Variants in CRTAC1 observed in about 807,000 individuals in gnomAD.
CRTAC1 encodes the protein cartilage acidic protein 1.
A neutral mutation model predicts 67.8 loss-of-function variants in CRTAC1; 37 were observed. The ratio of observed to expected loss-of-function variants is 0.55; its 90% CI spans 0.42 to 0.72. The LOEUF is 0.72. Among genes scored for constraint, CRTAC1 ranks in the 30% least tolerant of loss-of-function variants. The probability of loss-of-function intolerance (pLI) is 0.00; values close to 1 mark genes in which losing one functional copy is unlikely to be tolerated. For missense variants in CRTAC1, 780 were observed against 931.6 expected (o/e 0.84, Z 2.12); for synonymous variants, 348 against 371.0 (o/e 0.94, Z 0.71).
intron 8 of CRTAC1, 91 bp from the exon 9 acceptor site, chr10:97,897,082 C>T (rs1270008258): frequency 7.5e-6 from 7 of 929,634 alleles, no homozygotes; most frequent in East Asian, 2.9e-5. Context: ...CCTGAGCATC[C>T]CCGGGTCCCA....
At chr10:97,950,240 C>CAGAGAGAGAGGG (rs1336847727) in intron 2 of CRTAC1, among the ~76,000 whole-genome samples, 76 of 104,220 alleles carry the variant, frequency 7.3e-4, no homozygotes, top group African/African-American at 2.6e-3. Context: ...CGTGCACACA[C>CAGAGAGAGAGGG]ACACACAGAG....
intron 2 of CRTAC1, among the ~76,000 whole-genome samples, chr10:97,952,325 C>T (rs1353276758): frequency 6.6e-6 from 1 of 150,434 alleles, no homozygotes; most frequent in East Asian, 1.9e-4. Context: ...GCACTCCAGC[C>T]TGGGCGACAG....
At chr10:97,889,461 G>A (rs561396834) in intron 11 of CRTAC1, among the ~76,000 whole-genome samples, 4 of 91,068 alleles carry the variant, frequency 4.4e-5, no homozygotes, top group Admixed American at 3.7e-4. Flanking sequence ...GGTGGGGGGG[G>A]GTCCACTGAG....
chr10:97,986,422 T>C (rs1288576721), intron 2 of CRTAC1, among the ~76,000 whole-genome samples: 1 of 152,168 alleles, frequency 6.6e-6, no homozygotes, highest in African/African-American at 2.4e-5. Flanking sequence ...ATGTCAATGT[T>C]ATCTAGAGCA....
chr10:97,873,288 G>A (rs1167559659), intron 14 of CRTAC1, among the ~76,000 whole-genome samples: 1 of 152,206 alleles, frequency 6.6e-6, no homozygotes, highest in Non-Finnish European at 1.5e-5. Flanking sequence ...TTTGTGCACA[G>A]CTCTAAGAAC....
At chr10:97,991,258 C>A (rs1187870855) in intron 2 of CRTAC1, among the ~76,000 whole-genome samples, 1 of 151,116 alleles carries the variant, frequency 6.6e-6, no homozygotes, top group Non-Finnish European at 1.5e-5. Flanking sequence ...AATTAAAAAA[C>A]AAAAATTAGC....
chr10:97,881,064 C>T (rs1226137412), intron 13 of CRTAC1, among the ~76,000 whole-genome samples: 2 of 152,212 alleles, frequency 1.3e-5, no homozygotes, highest in African/African-American at 4.8e-5. Flanking sequence ...CTGCAGCTGC[C>T]TCCTCACAGA....
chr10:97,899,796 C>G (rs1017295347), intron 8 of CRTAC1, among the ~76,000 whole-genome samples: 3 of 152,200 alleles, frequency 2.0e-5, no homozygotes, highest in Admixed American at 2.0e-4. Context: ...AGCCAGTGAT[C>G]TGGCCCATGT....
chr10:97,963,176 C>A (rs1184467727), intron 2 of CRTAC1, among the ~76,000 whole-genome samples: 1 of 152,068 alleles, frequency 6.6e-6, no homozygotes, highest in Non-Finnish European at 1.5e-5. Context: ...TCCAGTGCAC[C>A]CCTAAAACCT....
At chr10:97,940,328 A>G (rs2051153041) in intron 2 of CRTAC1, among the ~76,000 whole-genome samples, 1 of 152,224 alleles carries the variant, frequency 6.6e-6, no homozygotes, top group Admixed American at 6.5e-5. Flanking sequence ...ACATGGGCTT[A>G]CACACTTTCT....
chr10:98,016,960 G>T (rs913610633), intron 1 of CRTAC1, among the ~76,000 whole-genome samples: 3 of 152,292 alleles, frequency 2.0e-5, no homozygotes, highest in East Asian at 3.9e-4. Context: ...CACCCGGAGT[G>T]ACCTCGCATT....
intron 5 of CRTAC1, among the ~76,000 whole-genome samples, chr10:97,912,928 C>A (rs938791490): frequency 6.6e-6 from 1 of 152,194 alleles, no homozygotes; most frequent in Admixed American, 6.5e-5. Flanking sequence ...CCCATCTAGC[C>A]CTGCACCCTC....
At chr10:98,005,100 A>ATATATTTTTTTTTTTTTTTT in intron 2 of CRTAC1, among the ~76,000 whole-genome samples, 1 of 48,884 alleles carries the variant, frequency 2.0e-5, no homozygotes, top group Non-Finnish European at 3.5e-5. Context: ...ATATATATAT[A>ATATATTTTTTTTTTTTTTTT]TTTTTTTTTT....
At chr10:97,992,377 C>A (rs929001093) in intron 2 of CRTAC1, among the ~76,000 whole-genome samples, 14 of 152,204 alleles carry the variant, frequency 9.2e-5, no homozygotes, top group Non-Finnish European at 1.9e-4. Context: ...TTATGGAAAA[C>A]CGTATGGAAG....
chr10:98,006,555 A>G (rs1842795095), intron 2 of CRTAC1, among the ~76,000 whole-genome samples: 1 of 152,190 alleles, frequency 6.6e-6, no homozygotes, highest in Non-Finnish European at 1.5e-5. Flanking sequence ...TCTGAAACAC[A>G]ACACAAACCG....
Position 97,932,637 on chromosome 10 carries a change from A to T in CRTAC1, c.421+3533T>A, listed in dbSNP as rs925131294. On this transcript the variant is annotated intron_variant, in intron 3 of 14. Coordinates refer to ENST00000370597, the MANE Select transcript of CRTAC1 (RefSeq NM_018058.7). Reference sequence around the variant, plus strand: ...AGAACATCAGTGGGAAAAGCATTTCAGGCAGAGGGAACAGCAAGTACGAAG... The same window carrying T: ...AGAACATCAGTGGGAAAAGCATTTCTGGCAGAGGGAACAGCAAGTACGAAG... Among the ~76,000 whole-genome samples, 3 of 152,168 alleles carry T rather than the reference A, an allele frequency of 2.0e-5. No homozygotes were observed. The East Asian group carries it at 5.8e-4, about 29-fold the overall frequency.
chr10:98,002,785 T>G (rs1287854444), intron 2 of CRTAC1, among the ~76,000 whole-genome samples: 3 of 121,104 alleles, frequency 2.5e-5, no homozygotes, highest in African/African-American at 1.0e-4. Context: ...TTTTTTTTTT[T>G]TTTTTTTTTT....
intron 2 of CRTAC1, among the ~76,000 whole-genome samples, chr10:97,984,673 T>C (rs1004737587): frequency 2.6e-5 from 4 of 152,218 alleles, no homozygotes; most frequent in African/African-American, 9.7e-5. Flanking sequence ...CTTTGAGGGT[T>C]GGCAGCACCA....
At chr10:97,958,859 C>T (rs1367385549) in intron 2 of CRTAC1, among the ~76,000 whole-genome samples, 1 of 152,166 alleles carries the variant, frequency 6.6e-6, no homozygotes, top group East Asian at 1.9e-4. Context: ...ATAAATTTCA[C>T]GGGTCCTAAA....
Sources: gnomAD v4.1 joint callset for allele counts (sites outside exome capture counted in the v4.1 genomes callset) on GRCh38, gnomAD v4.1.1 for gene constraint, MANE v1.5 for transcripts, NCBI Gene and HGNC (gene_info 2026-07-23, HGNC 2026-07-21) for gene names.